The following FBXO42 variants were observed in gnomAD, a reference collection of about 807,000 sequenced individuals.
FBXO42 encodes the protein F-box only protein 42.
FBXO42 carries 12 observed loss-of-function variants against 71.7 expected under a neutral mutation model. The ratio of observed to expected loss-of-function variants is 0.17; its 90% CI spans 0.11 to 0.27. FBXO42 has a LOEUF of 0.27. FBXO42 is among the 10% of genes least tolerant of loss of function. The probability of loss-of-function intolerance (pLI) is 1.00; values close to 1 mark genes in which losing one functional copy is unlikely to be tolerated. For missense variants in FBXO42, 707 were observed against 911.9 expected (o/e 0.78, Z 2.89); for synonymous variants, 325 against 327.5 (o/e 0.99, Z 0.08).
intron 1 of FBXO42, among the ~76,000 whole-genome samples, chr1:16,346,753 A>ATTT (rs529276488): frequency 4.8e-5 from 6 of 125,094 alleles, no homozygotes; most frequent in African/African-American, 1.5e-4. Flanking sequence ...TGAACAGTAC[A>ATTT]TTTTTTTTTT....
At chr1:16,305,677 G>A (rs1346111762) in intron 3 of FBXO42, 126 bp downstream of exon 3, 1 of 769,278 alleles carries the variant, frequency 1.3e-6, no homozygotes, top group East Asian at 2.5e-5. Flanking sequence ...TTATGCCACT[G>A]CACTCCAGCT....
At chr1:16,327,333 T>C (rs1295856399) in intron 1 of FBXO42, among the ~76,000 whole-genome samples, 1 of 152,194 alleles carries the variant, frequency 6.6e-6, no homozygotes, top group African/African-American at 2.4e-5. Flanking sequence ...GAGTAGAGCA[T>C]AAAATGTATT....
chr1:16,313,798 C>T (rs1443818279), intron 2 of FBXO42, among the ~76,000 whole-genome samples: 2 of 152,152 alleles, frequency 1.3e-5, no homozygotes, highest in African/African-American at 4.8e-5. Flanking sequence ...ACAACCCTCG[C>T]TTGATAAAAA....
chr1:16,296,112 G>C (rs1242273175), intron 3 of FBXO42, among the ~76,000 whole-genome samples: 1 of 152,190 alleles, frequency 6.6e-6, no homozygotes, highest in Non-Finnish European at 1.5e-5. Context: ...AGATGCATGA[G>C]TGCTAAGTTC....
chr1:16,282,980 C>CAA (rs57691487), intron 4 of FBXO42, among the ~76,000 whole-genome samples: 522 of 98,392 alleles, frequency 5.3e-3, no homozygotes, highest in African/African-American at 0.017. Flanking sequence ...GACTCCGTCT[C>CAA]AAAAAAAAAA....
At chr1:16,261,414 C>A (rs552931478) in intron 4 of FBXO42, among the ~76,000 whole-genome samples, 1 of 152,186 alleles carries the variant, frequency 6.6e-6, no homozygotes, top group African/African-American at 2.4e-5. Context: ...CAAAATCTTT[C>A]CCTCTACTTT....
intron 1 of FBXO42, among the ~76,000 whole-genome samples, chr1:16,317,407 C>A (rs182108285): frequency 6.7e-5 from 10 of 148,582 alleles, no homozygotes; most frequent in African/African-American, 2.5e-4. Context: ...AGAGTGAGAT[C>A]GTCTCAACAA....
At chr1:16,311,121 T>G (rs1319944881) in intron 2 of FBXO42, among the ~76,000 whole-genome samples, 1 of 140,416 alleles carries the variant, frequency 7.1e-6, no homozygotes, top group South Asian at 2.2e-4. Flanking sequence ...GAGCTTGCAA[T>G]AAGCCGAGAT....
Position 16,267,740 on chromosome 1 carries a change from G to A in FBXO42, c.503-10981C>T, listed in dbSNP as rs191672911. Among the ~76,000 whole-genome samples, 33 of 152,218 alleles carry A rather than the reference G, an allele frequency of 2.2e-4. No homozygotes were observed. The East Asian group carries it at 6.2e-3, about 28-fold the overall frequency. Reference sequence around the variant, plus strand: ...CACTGGTATTAGACAAAACTTGTCTGGATCTCAGGATTCAGGGTATACATT... The same window carrying A: ...CACTGGTATTAGACAAAACTTGTCTAGATCTCAGGATTCAGGGTATACATT... On this transcript the variant is annotated intron_variant, in intron 4 of 9. Transcript: ENST00000375592.
chr1:16,298,568 G>C (rs1363125553), intron 3 of FBXO42, among the ~76,000 whole-genome samples: 1 of 152,098 alleles, frequency 6.6e-6, no homozygotes, highest in African/African-American at 2.4e-5. Context: ...GGAGTGCAGT[G>C]GCACAATCTT....
At chr1:16,283,544 C>G (rs1317943125) in intron 4 of FBXO42, among the ~76,000 whole-genome samples, 2 of 133,772 alleles carry the variant, frequency 1.5e-5, no homozygotes, top group African/African-American at 5.8e-5. Flanking sequence ...GTCGCCCAGG[C>G]TGGAGTGCAG....
intron 3 of FBXO42, among the ~76,000 whole-genome samples, chr1:16,299,319 T>C (rs2082167053): frequency 6.6e-6 from 1 of 152,078 alleles, no homozygotes; most frequent in Non-Finnish European, 1.5e-5. Context: ...CCCACATTTT[T>C]CTTCTCTATT....
At chr1:16,296,441 G>C (rs56681424) in intron 3 of FBXO42, among the ~76,000 whole-genome samples, 4,040 of 150,754 alleles carry the variant, frequency 0.027, 183 homozygotes, top group African/African-American at 0.093. Flanking sequence ...CATGAGGTCA[G>C]GAGTTCGAGA....
intron 1 of FBXO42, among the ~76,000 whole-genome samples, chr1:16,339,429 C>T (rs2082582483): frequency 6.6e-6 from 1 of 152,136 alleles, no homozygotes; most frequent in African/African-American, 2.4e-5. Flanking sequence ...TCTCCTGCCT[C>T]AGCCTCCCGA....
chr1:16,314,892 A>G (rs549681190), intron 2 of FBXO42, among the ~76,000 whole-genome samples: 19 of 152,178 alleles, frequency 1.2e-4, no homozygotes, highest in African/African-American at 3.9e-4. Context: ...TGAAAAAAAA[A>G]AAAAGAAAAG....
intron 3 of FBXO42, among the ~76,000 whole-genome samples, chr1:16,296,408 T>G (rs1437839563): frequency 6.6e-6 from 1 of 152,016 alleles, no homozygotes; most frequent in African/African-American, 2.4e-5. Context: ...TCCCAACACT[T>G]TGGGAGGCTG....
chr1:16,251,280 A>G lies in FBXO42; in HGVS notation c.1544T>C (p.Met515Thr), dbSNP rs1398365991. 6.2e-7 allele frequency: 1 copy of G among 1,614,100 alleles called. No homozygotes were observed. The highest frequency in any genetic ancestry group is 8.5e-7 in the Non-Finnish European group (1 of 1,180,036). Residue 515 changes from methionine to threonine, a missense_variant, in exon 10 of 10, where the codon ATG becomes ACG. Around this residue, in one of 5 missense-constraint regions of FBXO42, gnomAD observed 482 missense variants for 587.1 expected, o/e 0.82. Transcript: ENST00000375592. This position sits in a 1 kb window ranked among gnomAD's most constrained non-coding sequence, Gnocchi z 4.5. Reference sequence around the variant, plus strand: ...AACTGTCCTATTGTCCATGCCATCCATGGGATTACTACTGGAAGCGGGTTT... The same window carrying G: ...AACTGTCCTATTGTCCATGCCATCCGTGGGATTACTACTGGAAGCGGGTTT... ...DLKPASSSNP[M>T]DGMDNRTVGG... is the part of the protein sequence containing the mutation.
chr1:16,267,608 G>C (rs1252682500), intron 4 of FBXO42, among the ~76,000 whole-genome samples: 1 of 152,120 alleles, frequency 6.6e-6, no homozygotes, highest in Non-Finnish European at 1.5e-5. Context: ...TGGGGTTAAA[G>C]CCAAACATTT....
chr1:16,297,277 C>T (rs2082140047), intron 3 of FBXO42, among the ~76,000 whole-genome samples: 1 of 151,954 alleles, frequency 6.6e-6, no homozygotes, highest in South Asian at 2.1e-4. Context: ...TAATTCAGCC[C>T]TCCTGTTAGA....
Sources: gnomAD v4.1 joint callset for allele counts (sites outside exome capture counted in the v4.1 genomes callset) on GRCh38, gnomAD v4.1.1 for gene constraint, gnomAD v4.1.1 regional missense constraint, Gnocchi (gnomAD v3.1) non-coding constraint, MANE v1.5 for transcripts, NCBI Gene and HGNC (gene_info 2026-07-23, HGNC 2026-07-21) for gene names.